ICA1: variants seen among roughly 807,000 people sequenced by gnomAD.
ICA1 encodes the protein 69 kDa islet cell autoantigen.
A neutral mutation model predicts 71.0 loss-of-function variants in ICA1; 40 were observed. That is an observed-to-expected ratio of 0.56 (90% CI 0.44 to 0.73). ICA1 has a LOEUF of 0.73. Among genes scored for constraint, ICA1 ranks in the 30% least tolerant of loss-of-function variants. ICA1 has a pLI of 0.00. For missense variants in ICA1, 578 were observed against 576.5 expected, an observed-to-expected ratio of 1.00 and a Z score of -0.03; for synonymous variants, 207 against 209.5, an observed-to-expected ratio of 0.99 and a Z score of 0.10.
At chr7:8,194,171 T>C (rs903744699) in intron 6 of ICA1, among the ~76,000 whole-genome samples, 1 of 152,182 alleles carries the variant, frequency 6.6e-6, no homozygotes, top group Non-Finnish European at 1.5e-5. Flanking sequence ...TGCTCTGGAA[T>C]CCTGTCTGTT....
chr7:8,241,741 CA>C (rs1183408551), intron 1 of ICA1, among the ~76,000 whole-genome samples: 1 of 151,604 alleles, frequency 6.6e-6, no homozygotes, highest in African/African-American at 2.4e-5. Flanking sequence ...AAATGGAAAG[CA>C]AAAAAACAGC....
chr7:8,255,385 C>G (rs560902256), intron 1 of ICA1, among the ~76,000 whole-genome samples: 10 of 152,324 alleles, frequency 6.6e-5, no homozygotes, highest in African/African-American at 2.4e-4. Context: ...GAAATATTCT[C>G]CACACTTTTC....
chr7:8,169,901 AGTGTGTGT>A (rs58794085), intron 6 of ICA1, among the ~76,000 whole-genome samples: 1 of 147,086 alleles, frequency 6.8e-6, no homozygotes, highest in African/African-American at 2.5e-5. Flanking sequence ...TTAATGCCTG[AGTGTGTGT>A]GTGTGTGTGT....
At chr7:8,231,342 C>CT (rs1563116210) in intron 3 of ICA1, among the ~76,000 whole-genome samples, 1 of 151,972 alleles carries the variant, frequency 6.6e-6, no homozygotes, top group African/African-American at 2.4e-5. Flanking sequence ...GGGTCAGGAG[C>CT]TTTGCTATGT....
At chr7:8,244,116 G>C (rs1354142384) in intron 1 of ICA1, among the ~76,000 whole-genome samples, 1 of 152,170 alleles carries the variant, frequency 6.6e-6, no homozygotes, top group Non-Finnish European at 1.5e-5. Context: ...TCCTGGGCAA[G>C]AAGAACAAAC....
intron 6 of ICA1, among the ~76,000 whole-genome samples, chr7:8,160,517 C>A (rs1243598707): frequency 6.6e-6 from 1 of 152,172 alleles, no homozygotes; most frequent in Admixed American, 6.5e-5. Flanking sequence ...ACTGGAAAAT[C>A]AAGAAGCTCA....
intron 13 of ICA1, among the ~76,000 whole-genome samples, chr7:8,125,922 G>A (rs1788990391): frequency 6.6e-6 from 1 of 152,148 alleles, no homozygotes; most frequent in African/African-American, 2.4e-5. Flanking sequence ...GTGTGGTTTG[G>A]TGCCTTTCCC....
At chr7:8,249,609 G>C (rs894556252) in intron 1 of ICA1, among the ~76,000 whole-genome samples, 1 of 152,182 alleles carries the variant, frequency 6.6e-6, no homozygotes, top group African/African-American at 2.4e-5. Context: ...ATGTCTCTCA[G>C]ATTTAGCTTC....
intron 8 of ICA1, among the ~76,000 whole-genome samples, chr7:8,154,613 T>C (rs1026109981): frequency 1.3e-5 from 2 of 152,162 alleles, no homozygotes; most frequent in Non-Finnish European, 2.9e-5. Flanking sequence ...ACAGAATAAA[T>C]TAATCGTGGA....
chr7:8,230,642 G>C (rs1032549655), intron 3 of ICA1, among the ~76,000 whole-genome samples: 2 of 152,146 alleles, frequency 1.3e-5, no homozygotes, highest in Non-Finnish European at 2.9e-5. Context: ...ATTACCTTTT[G>C]AATAATGCAT....
At chr7:8,149,276 A>G (rs950531256) in intron 8 of ICA1, among the ~76,000 whole-genome samples, 3 of 152,266 alleles carry the variant, frequency 2.0e-5, no homozygotes, top group Admixed American at 6.5e-5. Flanking sequence ...AAAATTGCTC[A>G]TGAAAATTGC....
At chr7:8,239,819 C>G (rs759138271) in intron 1 of ICA1, among the ~76,000 whole-genome samples, 59 of 152,340 alleles carry the variant, frequency 3.9e-4, no homozygotes, top group Non-Finnish European at 5.6e-4. Context: ...TGAGATAGAA[C>G]TGCGAGGTGT....
At chr7:8,122,966 C>T (rs374614291) in intron 13 of ICA1, among the ~76,000 whole-genome samples, 3 of 152,250 alleles carry the variant, frequency 2.0e-5, no homozygotes, top group South Asian at 4.1e-4. Context: ...TTGAGAACAT[C>T]GACTCTGAGG....
chr7:8,163,698 T>G (rs147641280), intron 6 of ICA1, among the ~76,000 whole-genome samples: 4 of 152,120 alleles, frequency 2.6e-5, no homozygotes, highest in African/African-American at 9.6e-5. Flanking sequence ...GGGAGAGAAG[T>G]CCAGTGGAAG....
chr7:8,244,202 A>G (rs962287968), intron 1 of ICA1, among the ~76,000 whole-genome samples: 3 of 152,230 alleles, frequency 2.0e-5, no homozygotes, highest in Non-Finnish European at 4.4e-5. Flanking sequence ...TACTGGTATG[A>G]AAACAGAGAT....
chr7:8,141,702 G>T, intron 10 of ICA1, 63 bp downstream of exon 10: 2 of 1,036,714 alleles, frequency 1.9e-6, no homozygotes, highest in South Asian at 2.9e-5. Flanking sequence ...AAAGTAAAAT[G>T]ACTTGGCTGT....
intron 12 of ICA1, among the ~76,000 whole-genome samples, chr7:8,134,959 G>C (rs1281022470): frequency 6.6e-6 from 1 of 152,062 alleles, no homozygotes; most frequent in Non-Finnish European, 1.5e-5. Flanking sequence ...GATGTTAGAA[G>C]ACAAGTAATC....
intron 6 of ICA1, among the ~76,000 whole-genome samples, chr7:8,200,489 G>C (rs1789244188): frequency 6.6e-6 from 1 of 152,238 alleles, no homozygotes; most frequent in African/African-American, 2.4e-5. Flanking sequence ...GGAAATAAAG[G>C]AACAGATTGA....
intron 6 of ICA1, among the ~76,000 whole-genome samples, chr7:8,217,550 CTT>C (rs1312064745): frequency 1.3e-5 from 2 of 152,138 alleles, no homozygotes; most frequent in Non-Finnish European, 2.9e-5. Context: ...TTGGCTGATT[CTT>C]TTTTCTTTCA....
Sources: allele counts gnomAD v4.1 joint callset (sites outside exome capture counted in the v4.1 genomes callset), GRCh38; gene constraint gnomAD v4.1.1; transcripts MANE v1.5; gene names NCBI Gene and HGNC (gene_info 2026-07-23, HGNC 2026-07-21).